Variants in RALYL observed in about 807,000 individuals in gnomAD.
RALYL encodes the protein RALY RNA binding protein like, also known as RNA-binding Raly-like protein.
RALYL carries 29 observed loss-of-function variants against 35.1 expected under a neutral mutation model. That is an observed-to-expected ratio of 0.83 (90% CI 0.61 to 1.13). The LOEUF (loss-of-function observed/expected upper bound fraction) is 1.13. RALYL is among the 50% of genes most tolerant of loss of function. The pLI, the probability that RALYL is intolerant of heterozygous loss-of-function variation, is 0.00. For missense variants in RALYL, 359 were observed against 360.4 expected (o/e 1.00, Z 0.03); for synonymous variants, 120 against 127.6 (o/e 0.94, Z 0.40).
At chr8:84,791,914 C>T (rs150119812) in intron 3 of RALYL, among the ~76,000 whole-genome samples, 17 of 152,302 alleles carry the variant, frequency 1.1e-4, no homozygotes, top group Admixed American at 2.0e-4. Context: ...GTTTCCCCCC[C>T]GGCAGGATGT....
intron 4 of RALYL, among the ~76,000 whole-genome samples, chr8:84,827,557 C>T (rs965823946): frequency 1.3e-5 from 2 of 152,026 alleles, no homozygotes; most frequent in Non-Finnish European, 2.9e-5. Flanking sequence ...ATTCTGACTT[C>T]AACTTTTAAA....
Position 84,402,873 on chromosome 8 carries a change from T to A in RALYL, c.-23-126426T>A, listed in dbSNP as rs546253447. Reference sequence around the variant, plus strand: ...CCATTCTAACTGGTGTGAGATGGTATCTCATTGTAGTTTTGATTTGCATTT... The same window carrying A: ...CCATTCTAACTGGTGTGAGATGGTAACTCATTGTAGTTTTGATTTGCATTT... On this transcript the variant is annotated intron_variant, in intron 1 of 8. Transcript: ENST00000521268. 2.6e-5 allele frequency among the ~76,000 whole-genome samples: 4 copies of A among 152,336 alleles called. No individual in the cohort carries two copies. In the South Asian group the frequency reaches 8.3e-4, roughly 32 times the overall value.
chr8:84,329,616 T>A (rs1379536654), intron 1 of RALYL, among the ~76,000 whole-genome samples: 1 of 151,946 alleles, frequency 6.6e-6, no homozygotes, highest in Non-Finnish European at 1.5e-5. Context: ...AATTAGGTAT[T>A]ATAGGGTCCT....
chr8:84,193,205 A>G (rs1351251928), intron 1 of RALYL, among the ~76,000 whole-genome samples: 2 of 152,202 alleles, frequency 1.3e-5, no homozygotes, highest in Non-Finnish European at 2.9e-5. Context: ...AATATTACTC[A>G]TCGAAGTAAT....
intron 1 of RALYL, among the ~76,000 whole-genome samples, chr8:84,212,607 CTT>C (rs1819755354): frequency 6.6e-6 from 1 of 152,070 alleles, no homozygotes; most frequent in East Asian, 1.9e-4. Flanking sequence ...GGAAACAAGA[CTT>C]GATAGGAATA....
intron 2 of RALYL, among the ~76,000 whole-genome samples, chr8:84,621,351 C>T (rs1436407576): frequency 1.3e-5 from 2 of 152,178 alleles, no homozygotes; most frequent in East Asian, 3.9e-4. Flanking sequence ...TGGGAGCCAC[C>T]CAATTTTCCA....
chr8:84,247,448 T>C (rs1491556), intron 1 of RALYL, among the ~76,000 whole-genome samples: 70,521 of 151,798 alleles, frequency 0.46, 16,563 homozygotes, highest in East Asian at 0.53. Flanking sequence ...ACCAAGTGTA[T>C]TATCCTTTAG....
chr8:84,773,499 C>A (rs1221682599), intron 2 of RALYL, among the ~76,000 whole-genome samples: 1 of 152,178 alleles, frequency 6.6e-6, no homozygotes, highest in Non-Finnish European at 1.5e-5. Flanking sequence ...ACTTTCCAAA[C>A]CTTCTCCTCC....
intron 2 of RALYL, among the ~76,000 whole-genome samples, chr8:84,635,379 A>AT (rs916453326): frequency 5.3e-5 from 8 of 151,358 alleles, no homozygotes; most frequent in African/African-American, 1.7e-4. Context: ...TTCATCAGCC[A>AT]TTTTTTTTAA....
intron 1 of RALYL, among the ~76,000 whole-genome samples, chr8:84,309,688 C>T (rs57267515): frequency 0.02 from 3,086 of 152,018 alleles, 112 homozygotes; most frequent in African/African-American, 0.07. Context: ...GAAAACCAAA[C>T]ATTAATAAAG....
chr8:84,784,484 T>G (rs1206870514), intron 3 of RALYL, among the ~76,000 whole-genome samples: 2 of 152,180 alleles, frequency 1.3e-5, no homozygotes, highest in Non-Finnish European at 2.9e-5. Flanking sequence ...TTTGTAAAAA[T>G]GTATTTTTCC....
intron 2 of RALYL, among the ~76,000 whole-genome samples, chr8:84,730,166 C>T (rs1291034661): frequency 2.6e-5 from 4 of 151,980 alleles, no homozygotes; most frequent in African/African-American, 7.2e-5. Flanking sequence ...TCCAGCAGCA[C>T]ATCAAAAAGC....
chr8:84,821,113 A>C (rs1362040226), intron 4 of RALYL, among the ~76,000 whole-genome samples: 1 of 152,172 alleles, frequency 6.6e-6, no homozygotes, highest in Non-Finnish European at 1.5e-5. Flanking sequence ...AGCTCCATTA[A>C]ATATACTGAA....
chr8:84,453,343 A>G (rs1043423357), intron 1 of RALYL, among the ~76,000 whole-genome samples: 1 of 151,980 alleles, frequency 6.6e-6, no homozygotes, highest in African/African-American at 2.4e-5. Flanking sequence ...TTCAGACATG[A>G]TATCTATGAA....
intron 1 of RALYL, among the ~76,000 whole-genome samples, chr8:84,405,216 T>C (rs2043346597): frequency 6.6e-6 from 1 of 152,138 alleles, no homozygotes; most frequent in Non-Finnish European, 1.5e-5. Context: ...GCTAAAGCAG[T>C]GTTTAGAGGG....
At chr8:84,659,101 G>C (rs1356968316) in intron 2 of RALYL, among the ~76,000 whole-genome samples, 2 of 152,158 alleles carry the variant, frequency 1.3e-5, no homozygotes, top group African/African-American at 4.8e-5. Context: ...CCAGGTTACT[G>C]ACCAAGGAGC....
chr8:84,591,231 C>T (rs983376658), intron 2 of RALYL, among the ~76,000 whole-genome samples: 1 of 152,086 alleles, frequency 6.6e-6, no homozygotes, highest in Non-Finnish European at 1.5e-5. Context: ...AACAAGGTAA[C>T]GTAAGTCAGT....
rs566734071 is a variant in RALYL at position 84,236,191 on chromosome 8, T to G, written c.-24+51767T>G. On this transcript the variant is annotated intron_variant, in intron 1 of 8. Coordinates refer to ENST00000521268, the MANE Select transcript of RALYL (RefSeq NM_173848.7). ...AACGTATATATTACATTTTATAAAATGGACTAAAGGCATATTTGGAAAGAT... is the reference window on the plus strand; with the variant it reads ...AACGTATATATTACATTTTATAAAAGGGACTAAAGGCATATTTGGAAAGAT... 5.9e-5 allele frequency among the ~76,000 whole-genome samples: 9 copies of G among 152,292 alleles called. No individual in the cohort carries two copies. In the South Asian group the frequency reaches 1.9e-3, roughly 32 times the overall value.
intron 2 of RALYL, among the ~76,000 whole-genome samples, chr8:84,770,259 T>C (rs1047228679): frequency 4.6e-5 from 7 of 152,116 alleles, no homozygotes; most frequent in Non-Finnish European, 1.0e-4. Flanking sequence ...CATATCTCCA[T>C]AGCTTAGCTC....
Sources: allele counts gnomAD v4.1 joint callset (sites outside exome capture counted in the v4.1 genomes callset), GRCh38; gene constraint gnomAD v4.1.1; transcripts MANE v1.5; gene names NCBI Gene and HGNC (gene_info 2026-07-23, HGNC 2026-07-21).